Variants in TRIM33 observed in about 807,000 individuals in gnomAD.
TRIM33 encodes the protein tripartite motif containing 33, also known as E3 ubiquitin-protein ligase TRIM33.
Under a neutral mutation model 125.4 loss-of-function variants are expected in TRIM33, and 20 were observed. The observed-to-expected ratio is 0.16, with a 90% confidence interval of 0.11 to 0.23. TRIM33 has a LOEUF of 0.23. Ranked by LOEUF, TRIM33 falls within the 10% of genes least tolerant of loss-of-function variation. The pLI, the probability that TRIM33 is intolerant of heterozygous loss-of-function variation, is 1.00. For missense variants in TRIM33, 920 were observed against 1,411.4 expected (o/e 0.65, Z 5.58); for synonymous variants, 564 against 513.9 (o/e 1.10, Z -1.32).
intron 1 of TRIM33, among the ~76,000 whole-genome samples, chr1:114,469,589 AAT>A (rs1217471897): frequency 6.6e-6 from 1 of 152,242 alleles, no homozygotes; most frequent in Non-Finnish European, 1.5e-5. Flanking sequence ...AAATTTAAAA[AAT>A]AGAGACCTAG....
Position 114,468,986 on chromosome 1 carries a change from T to C in TRIM33, c.527-4598A>G. The C allele has an allele frequency of 8.9e-6, 2 of 225,208 alleles. 1 individual carries two copies. Among genetic ancestry groups the C allele is most frequent in the Admixed American group, 1.2e-4 (2 of 17,064 alleles). The allele number at this position is 225,208 out of a possible 1,614,324, so 14.0% of individuals were successfully genotyped here. ...AACTTTACAGATATTTGTAAACTAT[T>C]ACATCATCAGCCCAAACATCTTGCA... On this transcript the variant is annotated intron_variant, in intron 1 of 19. Transcript: ENST00000358465.
intron 1 of TRIM33, among the ~76,000 whole-genome samples, chr1:114,493,635 G>A (rs959759553): frequency 6.6e-6 from 1 of 152,084 alleles, no homozygotes; most frequent in Non-Finnish European, 1.5e-5. Context: ...GTAGGGGTAT[G>A]ACTTCATTCC....
At position 114,397,589 on chromosome 1, in the gene TRIM33, GTTTT is replaced by G. The variant is rs66490349; in HGVS notation, c.*55_*58del. On this transcript the variant is annotated 3_prime_UTR_variant, in exon 20 of 20. Coordinates refer to ENST00000358465, the MANE Select transcript of TRIM33 (RefSeq NM_015906.4). ...CTTAAAAGTTTTCTGGGTTTTTTGT[GTTTT>G]TTTTTTTTTTTTCGTTTTTTTTTTT... is the stretch of plus-strand genomic sequence containing the variant. 2.3e-5 allele frequency: 15 copies of G among 640,642 alleles called. No homozygotes were observed. The highest frequency in any genetic ancestry group is 6.8e-5 in the Admixed American group (2 of 29,516). 39.7% of individuals were successfully genotyped at this position (640,642 alleles called of 1,614,324 possible).
chr1:114,455,495 T>G (rs1380893490), intron 4 of TRIM33, among the ~76,000 whole-genome samples: 3 of 152,212 alleles, frequency 2.0e-5, no homozygotes, highest in African/African-American at 7.2e-5. Flanking sequence ...TCAGAAGTAT[T>G]GTCTAAGCTT....
chr1:114,394,200 G>A lies in TRIM33; in HGVS notation c.*3448C>T, dbSNP rs1651423166. 3 of 229,344 alleles carry A rather than the reference G, an allele frequency of 1.3e-5. No individual in the cohort carries two copies. The highest frequency in any genetic ancestry group is 5.7e-5 in the Admixed American group (1 of 17,644). 14.2% of individuals were successfully genotyped at this position (229,344 alleles called of 1,614,324 possible). On this transcript the variant is annotated 3_prime_UTR_variant, in exon 20 of 20. Transcript: ENST00000358465. ...TAAAACTACTCACTGATCCGATGCT[G>A]AGTATGCAAATAAGCAGTGCTGATT...
chr1:114,464,833 A>G (rs1650190994), intron 1 of TRIM33, among the ~76,000 whole-genome samples: 1 of 152,210 alleles, frequency 6.6e-6, no homozygotes, highest in Non-Finnish European at 1.5e-5. Context: ...TATAATAACA[A>G]TGGACGCAGG....
intron 1 of TRIM33, chr1:114,490,904 A>ATC (rs1467668854): frequency 6.6e-6 from 1 of 152,220 alleles, no homozygotes; most frequent in Admixed American, 6.5e-5. Context: ...GGTCAGCCAC[A>ATC]TAAGACCACA....
At chr1:114,469,626 G>C (rs533847899) in intron 1 of TRIM33, among the ~76,000 whole-genome samples, 4 of 152,204 alleles carry the variant, frequency 2.6e-5, no homozygotes, top group African/African-American at 9.6e-5. Context: ...TTGCCAAAAA[G>C]GAATGATGGC....
intron 1 of TRIM33, among the ~76,000 whole-genome samples, chr1:114,497,549 C>T (rs996405862): frequency 2.0e-5 from 3 of 152,196 alleles, no homozygotes; most frequent in African/African-American, 7.2e-5. Context: ...GATCTGTCCA[C>T]TTTGGCCTTC....
intron 1 of TRIM33, chr1:114,490,890 C>T (rs1113207): frequency 0.35 from 53,558 of 151,868 alleles, 10,118 homozygotes; most frequent in African/African-American, 0.46. Flanking sequence ...CAGATGAAGG[C>T]GAAGGTCAGC....
At chr1:114,489,499 T>C (rs1446646636) in intron 1 of TRIM33, among the ~76,000 whole-genome samples, 2 of 152,154 alleles carry the variant, frequency 1.3e-5, no homozygotes, top group African/African-American at 4.8e-5. Flanking sequence ...ATCCAAGCAC[T>C]TTACGGGGCT....
At chr1:114,485,690 C>CA (rs1356601805) in intron 1 of TRIM33, among the ~76,000 whole-genome samples, 1 of 152,128 alleles carries the variant, frequency 6.6e-6, no homozygotes, top group Non-Finnish European at 1.5e-5. Flanking sequence ...CCACTTTTGC[C>CA]AGGGTGGTGT....
At chr1:114,444,070 CCT>C (rs1474095876) in intron 4 of TRIM33, among the ~76,000 whole-genome samples, 3 of 152,114 alleles carry the variant, frequency 2.0e-5, no homozygotes, top group Admixed American at 6.6e-5. Flanking sequence ...AATCATCCTA[CCT>C]CTCTGTCTGT....
chr1:114,496,439 T>C (rs1652370556), intron 1 of TRIM33, among the ~76,000 whole-genome samples: 1 of 152,212 alleles, frequency 6.6e-6, no homozygotes, highest in Admixed American at 6.5e-5. Flanking sequence ...GGTCAGGCTG[T>C]ACACACAACA....
At chr1:114,507,284 C>T (rs927137252) in intron 1 of TRIM33, among the ~76,000 whole-genome samples, 2 of 152,292 alleles carry the variant, frequency 1.3e-5, no homozygotes, top group African/African-American at 2.4e-5. Flanking sequence ...GTCCGGAATG[C>T]GGCCCAAGAA....
intron 4 of TRIM33, among the ~76,000 whole-genome samples, chr1:114,451,089 C>T (rs570022580): frequency 1.5e-4 from 23 of 152,120 alleles, no homozygotes; most frequent in African/African-American, 5.3e-4. Flanking sequence ...CTGAAGGTCC[C>T]CAGAGCTTAA....
At chr1:114,460,106 T>G (rs934922358) in intron 4 of TRIM33, 1 of 163,714 alleles carries the variant, frequency 6.1e-6, no homozygotes, top group Non-Finnish European at 1.4e-5. Context: ...TTTCAGATTG[T>G]GCGAGGACAC....
At chr1:114,446,016 C>G (rs1194926844) in intron 4 of TRIM33, among the ~76,000 whole-genome samples, 1 of 152,098 alleles carries the variant, frequency 6.6e-6, no homozygotes, top group Non-Finnish European at 1.5e-5. Flanking sequence ...TGTTCCCACG[C>G]CCAGCTAATT....
intron 4 of TRIM33, among the ~76,000 whole-genome samples, chr1:114,459,204 A>T (rs1339908360): frequency 6.6e-6 from 1 of 152,180 alleles, no homozygotes; most frequent in Non-Finnish European, 1.5e-5. Flanking sequence ...CCAACCAGAT[A>T]ATTAAACAGT....
Sources: allele counts gnomAD v4.1 joint callset (sites outside exome capture counted in the v4.1 genomes callset), GRCh38; gene constraint gnomAD v4.1.1; transcripts MANE v1.5; gene names NCBI Gene and HGNC (gene_info 2026-07-23, HGNC 2026-07-21).